Variants in HPGD observed in about 807,000 individuals in gnomAD.
HPGD encodes 15-hydroxyprostaglandin dehydrogenase [NAD(+)].
HPGD carries 29 observed loss-of-function variants against 30.0 expected under a neutral mutation model. The observed-to-expected ratio is 0.97, with a 90% CI of 0.72 to 1.32. HPGD has a LOEUF of 1.32. HPGD is among the 40% of genes most tolerant of loss of function. HPGD has a pLI of 0.00. For missense variants in HPGD, 340 were observed against 322.1 expected, an observed-to-expected ratio of 1.06 and a Z score of -0.43; for synonymous variants, 99 against 112.4, an observed-to-expected ratio of 0.88 and a Z score of 0.75.
At position 174,491,931 on chromosome 4, in the gene HPGD, C is replaced by T; in HGVS notation, c.*25G>A. 6.3e-7 allele frequency: 1 copy of T among 1,599,100 alleles called. No homozygotes were observed. The highest frequency in any genetic ancestry group is 8.6e-7 in the Non-Finnish European group (1 of 1,167,118). ...AATATAAGCTATTTGTGCTTATTTT[C>T]AGCTATGGCTAACACATAAGCTGTT... On this transcript the variant is annotated 3_prime_UTR_variant, in exon 7 of 7. Coordinates refer to ENST00000296522, the MANE Select transcript of HPGD (RefSeq NM_000860.6).
rs1192477456 is a variant in HPGD at position 174,496,963 on chromosome 4, G to A, written c.422-1339C>T. 6.6e-6 allele frequency among the ~76,000 whole-genome samples: 1 copy of A among 152,198 alleles called. No individual in the cohort carries two copies. Among genetic ancestry groups the A allele is most frequent in the Non-Finnish European group, 1.5e-5 (1 of 68,034 alleles). Reference sequence around the variant, plus strand: ...TCATTGTTGTTGTTAAGTAAAATGTGTAAGTTAATTAAGTTTGTCAGTGTC... The same window carrying A: ...TCATTGTTGTTGTTAAGTAAAATGTATAAGTTAATTAAGTTTGTCAGTGTC... On this transcript the variant is annotated intron_variant, in intron 4 of 6. Transcript: ENST00000296522. The surrounding 1 kb of genome is among the most constrained non-coding windows in gnomAD (Gnocchi z 4.6).
chr4:174,495,835 T>C (rs969637868), intron 4 of HPGD: 1 of 575,152 alleles, frequency 1.7e-6, no homozygotes, highest in Admixed American at 2.7e-5. Context: ...GAATTTATAG[T>C]AGCTAAGTTA....
At chr4:174,518,129 T>G (rs1473464307) in intron 2 of HPGD, 52 bp from the exon 3 acceptor site, 4 of 898,998 alleles carry the variant, frequency 4.4e-6, no homozygotes, top group Non-Finnish European at 5.6e-6. Flanking sequence ...CATGTATACA[T>G]TTAAATCATG....
chr4:174,518,412 A>G (rs1377088652), intron 2 of HPGD, among the ~76,000 whole-genome samples: 1 of 152,198 alleles, frequency 6.6e-6, no homozygotes, highest in Non-Finnish European at 1.5e-5. Flanking sequence ...AACTGAGCTA[A>G]GATCCTAAGC....
intron 4 of HPGD, among the ~76,000 whole-genome samples, chr4:174,497,740 G>C (rs530840465): frequency 8.6e-5 from 13 of 151,538 alleles, no homozygotes; most frequent in Admixed American, 6.6e-4. Context: ...ACGGTGCCCA[G>C]CTAATTTTTG....
Position 174,522,475 on chromosome 4 carries a change from C to T in HPGD, c.-24G>A. 2 of 1,526,092 alleles carry T rather than the reference C, an allele frequency of 1.3e-6. No homozygotes were observed. Among genetic ancestry groups the T allele is most frequent in the Non-Finnish European group, 1.8e-6 (2 of 1,130,998 alleles). 94.5% of individuals were successfully genotyped at this position (1,526,092 alleles called of 1,614,324 possible). ...ATGGTGCAGCCACTGCTGGGGCGGG[C>T]GGTGGGCGAGCTCCGCGTCTCCGCG... On this transcript the variant is annotated 5_prime_UTR_variant, in exon 1 of 7. Transcript: ENST00000296522.
chr4:174,520,639 T>C (rs1309790285), intron 2 of HPGD, among the ~76,000 whole-genome samples: 1 of 152,186 alleles, frequency 6.6e-6, no homozygotes, highest in Non-Finnish European at 1.5e-5. Context: ...TTTTAAATAC[T>C]GGGAAAAAAA....
At chr4:174,521,793 G>A in intron 2 of HPGD, 151 bp downstream of exon 2, 2 of 855,218 alleles carry the variant, frequency 2.3e-6, no homozygotes, top group South Asian at 1.4e-5. Context: ...AGAAGGAAAC[G>A]TATCAGTCCA....
chr4:174,499,575 T>C (rs985707539), intron 4 of HPGD, among the ~76,000 whole-genome samples: 1 of 152,222 alleles, frequency 6.6e-6, no homozygotes, highest in Non-Finnish European at 1.5e-5. Flanking sequence ...TCCTATTTGC[T>C]CTACAACTCA....
chr4:174,515,526 G>T (rs1246236236), intron 3 of HPGD, among the ~76,000 whole-genome samples: 1 of 151,966 alleles, frequency 6.6e-6, no homozygotes, highest in Non-Finnish European at 1.5e-5. Flanking sequence ...ACAAATTCTA[G>T]AAGAAAACAC....
In HPGD at chr4:174,491,687, A is replaced by G; in HGVS notation, c.*269T>C. On this transcript the variant is annotated 3_prime_UTR_variant, in exon 7 of 7. Coordinates refer to ENST00000296522, the MANE Select transcript of HPGD (RefSeq NM_000860.6). ...ATAAATACACTTTCTGAAAGGCAGA[A>G]TATTGAATATTCCTTGAAAATCATT... The G allele has an allele frequency of 2.5e-6, 1 of 401,492 alleles. No homozygotes were observed. The highest frequency in any genetic ancestry group is 4.6e-6 in the Non-Finnish European group (1 of 217,206). 24.9% of individuals were successfully genotyped at this position (401,492 alleles called of 1,614,324 possible). A position where few individuals can be genotyped will look rare whatever the true frequency, so the allele number is the denominator to read the frequency against.
At chr4:174,500,145 A>C (rs1734832138) in intron 4 of HPGD, among the ~76,000 whole-genome samples, 1 of 152,190 alleles carries the variant, frequency 6.6e-6, no homozygotes, top group Admixed American at 6.5e-5. Context: ...CTCAAACAAC[A>C]AACGAAAAAG....
In HPGD at chr4:174,522,133, C is replaced by T. The variant is rs986994748; in HGVS notation, c.94-66G>A. The T allele has an allele frequency of 1.4e-4, 227 of 1,610,048 alleles. 1 individual carries two copies. Among genetic ancestry groups the T allele is most frequent in the Non-Finnish European group, 1.8e-4 (217 of 1,177,432 alleles). On this transcript the variant is annotated intron_variant, in intron 1 of 6. Coordinates refer to ENST00000296522, the MANE Select transcript of HPGD (RefSeq NM_000860.6). ...ACGAAATAGACGGACAAACAATAAA[C>T]ACACAAGAGGCTCCCCTCCTGGACC...
At chr4:174,493,005 TTTTCTCCCAGAGAG>T in intron 6 of HPGD, 132 bp downstream of exon 6, 2 of 666,054 alleles carry the variant, frequency 3.0e-6, no homozygotes, top group Non-Finnish European at 4.9e-6. Flanking sequence ...GAAAAATATA[TTTTCTCCCAGAGAG>T]TTTGCCAAAC....
intron 4 of HPGD, among the ~76,000 whole-genome samples, chr4:174,497,492 T>C (rs1230863397): frequency 6.6e-6 from 1 of 151,830 alleles, no homozygotes; most frequent in Non-Finnish European, 1.5e-5. Flanking sequence ...TGTAACATTC[T>C]AATCACATTT....
At chr4:174,495,364 A>C (rs1192628923) in intron 5 of HPGD, 184 bp downstream of exon 5, 1 of 613,232 alleles carries the variant, frequency 1.6e-6, no homozygotes, top group Non-Finnish European at 2.9e-6. Context: ...CACTTCATTT[A>C]AAAATGATCT....
At chr4:174,517,094 C>T (rs1238806288) in intron 3 of HPGD, among the ~76,000 whole-genome samples, 1 of 152,168 alleles carries the variant, frequency 6.6e-6, no homozygotes, top group Non-Finnish European at 1.5e-5. Flanking sequence ...AGGGAGACCC[C>T]AGGCACAGCC....
At chr4:174,522,537 G>T (rs558988612), upstream of HPGD, 8 of 1,005,562 alleles carry the variant, frequency 8.0e-6, no homozygotes, top group Non-Finnish European at 9.7e-6. Flanking sequence ...GCGCGCGCGC[G>T]TGCAGCCCGG....
At position 174,492,433 on chromosome 4, in the gene HPGD, A is replaced by G. The variant is rs902248998; in HGVS notation, c.663-339T>C. On this transcript the variant is annotated intron_variant, in intron 6 of 6. Transcript: ENST00000296522. The surrounding 1 kb of genome is among the most constrained non-coding windows in gnomAD (Gnocchi z 4.9). ...TTTCTCATCTTTATCGTATCAGTAG[A>G]TCTTAGACTTACCAGATATAGATGT... 1.3e-5 allele frequency among the ~76,000 whole-genome samples: 2 copies of G among 152,044 alleles called. No homozygotes were observed. Among genetic ancestry groups the G allele is most frequent in the African/African-American group, 4.8e-5 (2 of 41,448 alleles).
Sources: allele counts gnomAD v4.1 joint callset (sites outside exome capture counted in the v4.1 genomes callset), GRCh38; gene constraint gnomAD v4.1.1; non-coding constraint Gnocchi (gnomAD v3.1); transcripts MANE v1.5; gene names NCBI Gene and HGNC (gene_info 2026-07-23, HGNC 2026-07-21).